Variants in ME3 observed in about 807,000 individuals in gnomAD.
The protein encoded by ME3 is malic enzyme 3.
ME3 carries 48 observed loss-of-function variants against 68.9 expected under a neutral mutation model. The ratio of observed to expected loss-of-function variants is 0.70; its 90% CI spans 0.55 to 0.89. The LOEUF (loss-of-function observed/expected upper bound fraction) is 0.89. Ranked by LOEUF, ME3 falls within the 40% of genes least tolerant of loss-of-function variation. The pLI, the probability that ME3 is intolerant of heterozygous loss-of-function variation, is 0.00. For missense variants in ME3, 675 were observed against 797.4 expected, an observed-to-expected ratio of 0.85 and a Z score of 1.85; for synonymous variants, 320 against 318.8, an observed-to-expected ratio of 1.00 and a Z score of -0.04.
chr11:86,606,617 G>A (rs1961690849), intron 2 of ME3, among the ~76,000 whole-genome samples: 1 of 152,170 alleles, frequency 6.6e-6, no homozygotes, highest in Non-Finnish European at 1.5e-5. Flanking sequence ...ACCAGATGCT[G>A]ATCAGGACTC....
At chr11:86,640,228 G>A (rs546570665) in intron 2 of ME3, among the ~76,000 whole-genome samples, 1 of 152,314 alleles carries the variant, frequency 6.6e-6, no homozygotes, top group Admixed American at 6.5e-5. Flanking sequence ...TGGTACATAG[G>A]ATGCTGCAAT....
intron 2 of ME3, among the ~76,000 whole-genome samples, chr11:86,662,670 G>A (rs1309540270): frequency 6.6e-6 from 1 of 152,098 alleles, no homozygotes; most frequent in Non-Finnish European, 1.5e-5. Context: ...AAATGTTGTG[G>A]TATTGTATTA....
chr11:86,492,182 A>G (rs1952048058), intron 6 of ME3, among the ~76,000 whole-genome samples: 1 of 152,244 alleles, frequency 6.6e-6, no homozygotes, highest in East Asian at 1.9e-4. Flanking sequence ...TAAATAGGGA[A>G]TAATGATTTC....
chr11:86,516,266 A>G (rs1953893381), intron 4 of ME3, among the ~76,000 whole-genome samples: 1 of 152,172 alleles, frequency 6.6e-6, no homozygotes, highest in South Asian at 2.1e-4. Flanking sequence ...CATGCTACCT[A>G]CCTATGGAAT....
chr11:86,596,289 C>G (rs542520171), intron 2 of ME3, among the ~76,000 whole-genome samples: 4 of 152,120 alleles, frequency 2.6e-5, no homozygotes, highest in African/African-American at 9.7e-5. Context: ...TGAGAACATA[C>G]TGAATTTCAG....
intron 2 of ME3, among the ~76,000 whole-genome samples, chr11:86,564,001 A>G (rs753105784): frequency 5.3e-5 from 8 of 152,186 alleles, no homozygotes; most frequent in Non-Finnish European, 1.2e-4. Flanking sequence ...TGGTAGCTTA[A>G]TAGGAATAGC....
intron 2 of ME3, among the ~76,000 whole-genome samples, chr11:86,571,074 T>A (rs1043485310): frequency 1.3e-5 from 2 of 152,244 alleles, no homozygotes; most frequent in African/African-American, 4.8e-5. Flanking sequence ...CAGTTTTAAA[T>A]CTTTTTAGGT....
At chr11:86,671,611 A>G in intron 2 of ME3, 151 bp downstream of exon 2, 1 of 925,212 alleles carries the variant, frequency 1.1e-6, no homozygotes, top group Non-Finnish European at 1.6e-6. Context: ...AAGAAAGCCA[A>G]ACCAAGTCAC....
chr11:86,640,210 C>T (rs148883751), intron 2 of ME3, among the ~76,000 whole-genome samples: 31 of 152,304 alleles, frequency 2.0e-4, no homozygotes, highest in Admixed American at 1.4e-3. Flanking sequence ...TCCTGCAAGG[C>T]CATCTTCTGG....
At chr11:86,498,259 A>G in intron 5 of ME3, 135 bp from the exon 6 acceptor site, 4 of 1,046,428 alleles carry the variant, frequency 3.8e-6, no homozygotes, top group Non-Finnish European at 5.4e-6. Flanking sequence ...CTTGTCTGGG[A>G]TAAGGCCGGA....
intron 4 of ME3, among the ~76,000 whole-genome samples, chr11:86,546,626 A>G (rs189228189): frequency 6.6e-6 from 1 of 152,280 alleles, no homozygotes; most frequent in African/African-American, 2.4e-5. Flanking sequence ...ATACCATCTC[A>G]TGCCAGTTAG....
intron 7 of ME3, 73 bp from the exon 8 acceptor site, chr11:86,465,273 A>C: frequency 1.1e-6 from 1 of 873,626 alleles, no homozygotes; most frequent in Non-Finnish European, 1.8e-6. Context: ...CAGCTTGCAC[A>C]GTGGGGTGGG....
intron 2 of ME3, among the ~76,000 whole-genome samples, chr11:86,619,442 G>C (rs1004155498): frequency 6.6e-6 from 1 of 152,328 alleles, no homozygotes; most frequent in East Asian, 1.9e-4. Context: ...TGGTTTGGCT[G>C]TGTCCCCACC....
chr11:86,448,933 T>C (rs1949474300), intron 10 of ME3, among the ~76,000 whole-genome samples: 1 of 151,892 alleles, frequency 6.6e-6, no homozygotes, highest in South Asian at 2.1e-4. Flanking sequence ...ATGAGAAAAA[T>C]GATGTTGAAA....
At chr11:86,570,605 G>C (rs1454104867) in intron 2 of ME3, among the ~76,000 whole-genome samples, 1 of 152,152 alleles carries the variant, frequency 6.6e-6, no homozygotes, top group Non-Finnish European at 1.5e-5. Flanking sequence ...ATATTTCTGT[G>C]ATCAGGTGCA....
chr11:86,435,407 G>A, the ME3 span: 1 of 152,218 alleles, frequency 6.6e-6, no homozygotes, highest in Non-Finnish European at 1.5e-5. Context: ...GGGAATTCCA[G>A]AGAGGGAGGA....
chr11:86,658,543 C>T (rs559377032), intron 2 of ME3, among the ~76,000 whole-genome samples: 2 of 152,140 alleles, frequency 1.3e-5, no homozygotes, highest in South Asian at 4.2e-4. Flanking sequence ...ATTTTGAGCC[C>T]CAGAGGAGGC....
At chr11:86,445,482 G>A (rs1949233804) in intron 13 of ME3, among the ~76,000 whole-genome samples, 2 of 152,348 alleles carry the variant, frequency 1.3e-5, no homozygotes, top group South Asian at 4.2e-4. Flanking sequence ...AAATGCAGAA[G>A]GATGTTAGAA....
At chr11:86,522,509 A>G (rs1954400025) in intron 4 of ME3, among the ~76,000 whole-genome samples, 1 of 151,852 alleles carries the variant, frequency 6.6e-6, no homozygotes, top group South Asian at 2.1e-4. Flanking sequence ...TCCTAATGCT[A>G]TCCCTTCCCT....
Sources: gnomAD v4.1 joint callset for allele counts (sites outside exome capture counted in the v4.1 genomes callset) on GRCh38, gnomAD v4.1.1 for gene constraint, MANE v1.5 for transcripts, NCBI Gene and HGNC (gene_info 2026-07-23, HGNC 2026-07-21) for gene names.